METTL24: variants seen among roughly 807,000 people sequenced by gnomAD.
METTL24 encodes probable methyltransferase-like protein 24.
Under a neutral mutation model 32.7 loss-of-function variants are expected in METTL24, and 29 were observed. The ratio of observed to expected loss-of-function variants is 0.89; its 90% CI spans 0.66 to 1.21. The LOEUF (loss-of-function observed/expected upper bound fraction) is 1.21. METTL24 is among the 50% of genes most tolerant of loss of function. The probability of loss-of-function intolerance (pLI) is 0.00; values close to 1 mark genes in which losing one functional copy is unlikely to be tolerated. For missense variants in METTL24, 439 were observed against 468.1 expected (o/e 0.94, Z 0.57); for synonymous variants, 163 against 179.5 (o/e 0.91, Z 0.73).
chr6:110,315,339 C>T lies in METTL24; in HGVS notation c.557+3G>A. ...TTCTTCTGCTGTAAAAAAATGTACT[C>T]ACCCTAAGGAGTAGAGGCGGCACTG... On this transcript the variant is annotated splice_donor_region_variant and intron_variant, in intron 3 of 4. Transcript: ENST00000338882. 6.2e-7 allele frequency: 1 copy of T among 1,613,824 alleles called. No individual in the cohort carries two copies. Among genetic ancestry groups the T allele is most frequent in the Non-Finnish European group, 8.5e-7 (1 of 1,179,978 alleles).
chr6:110,325,610 G>C (rs1008955644), intron 1 of METTL24, among the ~76,000 whole-genome samples: 1 of 152,180 alleles, frequency 6.6e-6, no homozygotes, highest in African/African-American at 2.4e-5. Flanking sequence ...GCTTTGGCAT[G>C]GTATGAACTT....
chr6:110,353,824 A>C (rs957726286), intron 1 of METTL24, among the ~76,000 whole-genome samples: 2 of 152,122 alleles, frequency 1.3e-5, no homozygotes, highest in Non-Finnish European at 2.9e-5. Context: ...TAAAACATCC[A>C]CCCAAGAGCT....
At chr6:110,319,464 A>G (rs143024110) in intron 2 of METTL24, among the ~76,000 whole-genome samples, 27 of 118,560 alleles carry the variant, frequency 2.3e-4, no homozygotes, top group African/African-American at 8.4e-4. Flanking sequence ...TAGATAGATG[A>G]CAGACAGAAA....
intron 1 of METTL24, among the ~76,000 whole-genome samples, chr6:110,353,065 G>A (rs1582449654): frequency 1.3e-5 from 2 of 152,122 alleles, no homozygotes; most frequent in East Asian, 1.9e-4. Context: ...GAGGAACTAC[G>A]GGGTTTGGAA....
chr6:110,312,544 C>T (rs1221754575), intron 3 of METTL24, among the ~76,000 whole-genome samples: 1 of 152,138 alleles, frequency 6.6e-6, no homozygotes, highest in African/African-American at 2.4e-5. Flanking sequence ...CTGTCATTTG[C>T]AGCAACATGT....
At chr6:110,357,779 G>T (rs1157367004) in intron 1 of METTL24, 176 bp downstream of exon 1, 2 of 228,734 alleles carry the variant, frequency 8.7e-6, no homozygotes, top group Non-Finnish European at 1.7e-5. Flanking sequence ...AGTCTATCTG[G>T]GCACTGAAAG....
intron 4 of METTL24, among the ~76,000 whole-genome samples, chr6:110,284,322 A>G (rs1047938677): frequency 1.3e-5 from 2 of 152,208 alleles, no homozygotes; most frequent in African/African-American, 4.8e-5. Flanking sequence ...ACTGAACTGT[A>G]CACTTAAAAA....
At chr6:110,325,188 C>T (rs1179454593) in intron 1 of METTL24, among the ~76,000 whole-genome samples, 2 of 152,138 alleles carry the variant, frequency 1.3e-5, no homozygotes, top group South Asian at 2.1e-4. Context: ...CTCACAAGGG[C>T]CCCGAGCATC....
intron 1 of METTL24, among the ~76,000 whole-genome samples, chr6:110,337,172 T>C (rs1022739321): frequency 6.6e-6 from 1 of 152,116 alleles, no homozygotes; most frequent in Non-Finnish European, 1.5e-5. Flanking sequence ...AATGCAGGAA[T>C]AGAAAACCAA....
intron 4 of METTL24, among the ~76,000 whole-genome samples, chr6:110,252,177 G>T (rs1270500937): frequency 6.6e-6 from 1 of 152,128 alleles, no homozygotes; most frequent in Non-Finnish European, 1.5e-5. Context: ...GCTGCATTGG[G>T]ATTCAGTTTC....
At chr6:110,270,864 G>A (rs1257585129) in intron 4 of METTL24, among the ~76,000 whole-genome samples, 1 of 146,712 alleles carries the variant, frequency 6.8e-6, no homozygotes, top group African/African-American at 2.5e-5. Flanking sequence ...TTGAGGTGGA[G>A]TCTTGCTCTG....
intron 1 of METTL24, among the ~76,000 whole-genome samples, chr6:110,335,463 C>A (rs1045446624): frequency 6.6e-6 from 1 of 151,588 alleles, no homozygotes; most frequent in African/African-American, 2.4e-5. Context: ...ACCTTCCATC[C>A]ATAAGTAAAA....
At chr6:110,349,066 T>C (rs886295448) in intron 1 of METTL24, among the ~76,000 whole-genome samples, 2 of 152,188 alleles carry the variant, frequency 1.3e-5, no homozygotes, top group Admixed American at 1.3e-4. Context: ...AATGTGCAGA[T>C]TCAGTGAGGC....
At chr6:110,349,443 C>T (rs1398785738) in intron 1 of METTL24, among the ~76,000 whole-genome samples, 3 of 152,216 alleles carry the variant, frequency 2.0e-5, no homozygotes, top group African/African-American at 7.2e-5. Context: ...ACCCCACACC[C>T]GCAACAGATA....
intron 3 of METTL24, among the ~76,000 whole-genome samples, chr6:110,312,067 T>C (rs1487177042): frequency 6.6e-6 from 1 of 152,222 alleles, no homozygotes. Context: ...GTCCCATTTG[T>C]CTATTTTTCT....
At chr6:110,270,048 G>A (rs1216178077) in intron 4 of METTL24, among the ~76,000 whole-genome samples, 1 of 152,160 alleles carries the variant, frequency 6.6e-6, no homozygotes, top group Admixed American at 6.5e-5. Flanking sequence ...TTTGGCAAAC[G>A]ATGATCCTTT....
At chr6:110,344,339 A>G (rs1772425625) in intron 1 of METTL24, among the ~76,000 whole-genome samples, 1 of 152,184 alleles carries the variant, frequency 6.6e-6, no homozygotes, top group Non-Finnish European at 1.5e-5. Context: ...GGTCTACTGA[A>G]GTTTTTTCTC....
intron 1 of METTL24, among the ~76,000 whole-genome samples, chr6:110,355,658 C>T (rs907869624): frequency 6.6e-6 from 1 of 152,164 alleles, no homozygotes; most frequent in African/African-American, 2.4e-5. Context: ...CTCACACGTC[C>T]GGTTGCCTAT....
chr6:110,297,853 T>G (rs1771447996), intron 4 of METTL24, among the ~76,000 whole-genome samples: 5 of 152,160 alleles, frequency 3.3e-5, no homozygotes, highest in African/African-American at 1.2e-4. Context: ...AATAGTTAAT[T>G]GCGTGTTAAA....
Sources: allele counts gnomAD v4.1 joint callset (sites outside exome capture counted in the v4.1 genomes callset), GRCh38; gene constraint gnomAD v4.1.1; transcripts MANE v1.5; gene names NCBI Gene and HGNC (gene_info 2026-07-23, HGNC 2026-07-21).